DNER: variants seen among roughly 807,000 people sequenced by gnomAD.
DNER encodes delta/notch like EGF repeat containing, also known as delta and Notch-like epidermal growth factor-related receptor.
Under a neutral mutation model 78.2 loss-of-function variants are expected in DNER, and 33 were observed. That is an observed-to-expected ratio of 0.42 (90% CI 0.32 to 0.56). DNER has a LOEUF of 0.56. Among genes scored for constraint, DNER ranks in the 20% least tolerant of loss-of-function variants. The pLI is 0.11. For missense variants in DNER, 918 were observed against 975.3 expected (o/e 0.94, Z 0.78); for synonymous variants, 417 against 384.8 (o/e 1.08, Z -0.98).
intron 9 of DNER, among the ~76,000 whole-genome samples, chr2:229,417,081 C>T (rs1220949727): frequency 2.6e-5 from 4 of 152,144 alleles, no homozygotes; most frequent in Non-Finnish European, 4.4e-5. Context: ...TCTAACCGAA[C>T]GTCATACTCC....
At chr2:229,496,009 A>C (rs1192370332) in intron 6 of DNER, among the ~76,000 whole-genome samples, 1 of 152,200 alleles carries the variant, frequency 6.6e-6, no homozygotes, top group Non-Finnish European at 1.5e-5. Flanking sequence ...ATTGCCCTAC[A>C]GAGTGTTTGG....
At chr2:229,550,514 T>C (rs867338190) in intron 4 of DNER, among the ~76,000 whole-genome samples, 29 of 152,218 alleles carry the variant, frequency 1.9e-4, no homozygotes, top group African/African-American at 6.5e-4. Context: ...CAGTGGCTCA[T>C]GCCTGTAATC....
At chr2:229,478,908 T>A (rs1246798417) in intron 6 of DNER, among the ~76,000 whole-genome samples, 2 of 152,110 alleles carry the variant, frequency 1.3e-5, no homozygotes, top group Non-Finnish European at 2.9e-5. Flanking sequence ...GATCAACCCA[T>A]CACCTAGGTA....
intron 1 of DNER, among the ~76,000 whole-genome samples, chr2:229,652,718 T>A (rs1698841954): frequency 6.6e-6 from 1 of 152,178 alleles, no homozygotes; most frequent in Non-Finnish European, 1.5e-5. Context: ...AAATCAATTT[T>A]TTTCAGCCTC....
chr2:229,682,081 G>A (rs1459811471), intron 1 of DNER, among the ~76,000 whole-genome samples: 3 of 152,134 alleles, frequency 2.0e-5, no homozygotes, highest in African/African-American at 7.2e-5. Flanking sequence ...CACCCAAGAA[G>A]GCAGGAGAGA....
intron 1 of DNER, among the ~76,000 whole-genome samples, chr2:229,609,423 A>G (rs2154215125): frequency 6.6e-6 from 1 of 152,300 alleles, no homozygotes; most frequent in South Asian, 2.1e-4. Context: ...AATATTCCAA[A>G]TAATCATGTA....
chr2:229,463,417 C>A (rs1694742476), intron 7 of DNER, among the ~76,000 whole-genome samples: 1 of 152,024 alleles, frequency 6.6e-6, no homozygotes, highest in Non-Finnish European at 1.5e-5. Flanking sequence ...AATGAATAAT[C>A]ACTAGATCAA....
At chr2:229,669,609 T>C (rs1699172976) in intron 1 of DNER, among the ~76,000 whole-genome samples, 1 of 152,172 alleles carries the variant, frequency 6.6e-6, no homozygotes, top group Non-Finnish European at 1.5e-5. Flanking sequence ...TCTGTAGTTC[T>C]CCTTGAAGGG....
chr2:229,633,573 CA>C (rs1402616837), intron 1 of DNER, among the ~76,000 whole-genome samples: 1 of 152,122 alleles, frequency 6.6e-6, no homozygotes, highest in Non-Finnish European at 1.5e-5. Flanking sequence ...AAGATTTTAG[CA>C]GACAAAAAAT....
chr2:229,534,046 A>T (rs897431299), intron 5 of DNER, among the ~76,000 whole-genome samples: 1 of 152,252 alleles, frequency 6.6e-6, no homozygotes, highest in Non-Finnish European at 1.5e-5. Context: ...AAACCCATTC[A>T]TGGGCAAAAG....
intron 1 of DNER, among the ~76,000 whole-genome samples, chr2:229,654,748 A>C (rs1260682123): frequency 2.0e-5 from 3 of 152,180 alleles, no homozygotes; most frequent in Non-Finnish European, 4.4e-5. Flanking sequence ...TCAGATTCAC[A>C]CATTTCAAAT....
At chr2:229,457,576 T>C (rs1694603265) in intron 7 of DNER, among the ~76,000 whole-genome samples, 3 of 151,686 alleles carry the variant, frequency 2.0e-5, no homozygotes, top group Admixed American at 6.6e-5. Flanking sequence ...GTTAAGAAAA[T>C]AGTATCTTTT....
chr2:229,360,380 C>T (rs899553052), intron 12 of DNER, among the ~76,000 whole-genome samples: 1 of 152,072 alleles, frequency 6.6e-6, no homozygotes, highest in Non-Finnish European at 1.5e-5. Flanking sequence ...AAAGGAAAAA[C>T]CCAATTGTAT....
At chr2:229,475,200 A>G (rs1246077733) in intron 7 of DNER, among the ~76,000 whole-genome samples, 1 of 152,150 alleles carries the variant, frequency 6.6e-6, no homozygotes, top group Non-Finnish European at 1.5e-5. Flanking sequence ...AGATGCAGGG[A>G]GGTATAAAAT....
At chr2:229,649,566 G>C (rs1005292139) in intron 1 of DNER, among the ~76,000 whole-genome samples, 3 of 152,156 alleles carry the variant, frequency 2.0e-5, no homozygotes, top group Non-Finnish European at 4.4e-5. Flanking sequence ...CACAACTCTT[G>C]CAAGCCAGTA....
chr2:229,443,985 G>C (rs567655243), intron 8 of DNER, among the ~76,000 whole-genome samples: 1 of 152,284 alleles, frequency 6.6e-6, no homozygotes, highest in Non-Finnish European at 1.5e-5. Flanking sequence ...GGTTCAACAA[G>C]AGGGCCCTGT....
chr2:229,670,261 A>C lies in DNER; in HGVS notation c.276+43887T>G, dbSNP rs1236227247. 2.0e-5 allele frequency among the ~76,000 whole-genome samples: 3 copies of C among 152,348 alleles called. No individual in the cohort carries two copies. The South Asian group carries it at 6.2e-4, about 32-fold the overall frequency. The stretch of plus-strand genomic sequence containing the variant: ...TGGGAGCTGATTCCAGTTGGGTTCT[A>C]TCAGGGAGACCCCCTCACTGTGTCT... On this transcript the variant is annotated intron_variant, in intron 1 of 12. Coordinates refer to ENST00000341772, the MANE Select transcript of DNER (RefSeq NM_139072.4).
At chr2:229,545,761 G>T (rs78515761) in intron 5 of DNER, among the ~76,000 whole-genome samples, 4,507 of 152,222 alleles carry the variant, frequency 0.03, 198 homozygotes, top group African/African-American at 0.095. Context: ...AGTGGAACAG[G>T]GCTCAGGGTT....
intron 4 of DNER, among the ~76,000 whole-genome samples, chr2:229,571,473 G>A (rs189973779): frequency 2.0e-5 from 3 of 151,718 alleles, no homozygotes; most frequent in South Asian, 2.1e-4. Context: ...CTCAACACTC[G>A]CGTTTACCCA....
Sources: gnomAD v4.1 joint callset for allele counts (sites outside exome capture counted in the v4.1 genomes callset) on GRCh38, gnomAD v4.1.1 for gene constraint, MANE v1.5 for transcripts, NCBI Gene and HGNC (gene_info 2026-07-23, HGNC 2026-07-21) for gene names.